Variants in DAB1 observed in about 807,000 individuals in gnomAD.
The protein encoded by DAB1 is DAB adaptor protein 1, also known as disabled homolog 1.
DAB1 carries 15 observed loss-of-function variants against 64.6 expected under a neutral mutation model. The observed-to-expected ratio is 0.23, with a 90% confidence interval of 0.16 to 0.36. DAB1 has a LOEUF of 0.36. Among genes scored for constraint, DAB1 ranks in the 10% least tolerant of loss-of-function variants. The probability of loss-of-function intolerance (pLI) is 1.00; values close to 1 mark genes in which losing one functional copy is unlikely to be tolerated. For missense variants in DAB1, 596 were observed against 706.7 expected (o/e 0.84, Z 1.78); for synonymous variants, 235 against 251.9 (o/e 0.93, Z 0.64).
At chr1:57,071,308 G>A in intron 6 of DAB1, 2 of 680,532 alleles carry the variant, frequency 2.9e-6, no homozygotes, top group Non-Finnish European at 4.8e-6. Context: ...ATCTTTCTCT[G>A]GATTCGAGAT....
At chr1:58,289,861 G>C (rs1390214173) in intron 4 of DAB1, among the ~76,000 whole-genome samples, 2 of 152,152 alleles carry the variant, frequency 1.3e-5, no homozygotes, top group African/African-American at 2.4e-5. Context: ...CTACCCAAAA[G>C]ATGGCCCACA....
At chr1:58,300,544 A>AAAAAG (rs1359971427) in intron 4 of DAB1, among the ~76,000 whole-genome samples, 29 of 101,174 alleles carry the variant, frequency 2.9e-4, no homozygotes, top group Non-Finnish European at 4.3e-4. Flanking sequence ...TGAAACTCTG[A>AAAAAG]AAAGAAAGAA....
intron 3 of DAB1, among the ~76,000 whole-genome samples, chr1:58,448,189 T>C (rs778589740): frequency 3.2e-4 from 49 of 152,280 alleles, no homozygotes; most frequent in Non-Finnish European, 4.3e-4. Flanking sequence ...TTTCAACACA[T>C]GCACATACTT....
At chr1:58,333,614 G>A (rs1663027629) in intron 4 of DAB1, among the ~76,000 whole-genome samples, 1 of 152,184 alleles carries the variant, frequency 6.6e-6, no homozygotes, top group South Asian at 2.1e-4. Flanking sequence ...CAGGATTCAA[G>A]AGAAAAAGAT....
At chr1:58,095,690 A>C (rs1650937016) in intron 5 of DAB1, among the ~76,000 whole-genome samples, 4 of 152,184 alleles carry the variant, frequency 2.6e-5, no homozygotes, top group Admixed American at 2.6e-4. Flanking sequence ...CCGGACATGC[A>C]TTGCTGTGGA....
intron 7 of DAB1, among the ~76,000 whole-genome samples, chr1:57,568,226 C>T (rs375658801): frequency 6.6e-6 from 1 of 152,080 alleles, no homozygotes; most frequent in Non-Finnish European, 1.5e-5. Context: ...TAGCCATATG[C>T]AGAAAGCTGA....
At chr1:57,657,532 A>G (rs1203405066) in intron 6 of DAB1, among the ~76,000 whole-genome samples, 1 of 152,190 alleles carries the variant, frequency 6.6e-6, no homozygotes, top group African/African-American at 2.4e-5. Flanking sequence ...TTTGACAAGA[A>G]CAGTCATGTT....
chr1:57,031,752 T>G (rs1392876211), intron 9 of DAB1, among the ~76,000 whole-genome samples: 4 of 152,258 alleles, frequency 2.6e-5, no homozygotes, highest in Non-Finnish European at 5.9e-5. Flanking sequence ...AGGTCTTCCA[T>G]GATGCACATC....
rs146095445 is a variant in DAB1, at chr1:58,475,393, C to A, written n.257+30667G>T. 7.0e-3 allele frequency among the ~76,000 whole-genome samples: 1,069 copies of A among 152,072 alleles called. 7 individuals are homozygous for A. The highest frequency in any genetic ancestry group is 0.018 in the African/African-American group (743 of 41,466). On this transcript the variant is annotated intron_variant and non_coding_transcript_variant, in intron 3 of 20. Transcript: ENST00000485760. ...GCCAGGCTGGTCTGAAACTCCTGACCTCAAGTGATCTACCTGCCTCAGCCT... is the reference window on the plus strand; with the variant it reads ...GCCAGGCTGGTCTGAAACTCCTGACATCAAGTGATCTACCTGCCTCAGCCT...
chr1:57,337,491 G>A (rs1677173468), intron 1 of DAB1, among the ~76,000 whole-genome samples: 1 of 152,102 alleles, frequency 6.6e-6, no homozygotes, highest in Non-Finnish European at 1.5e-5. Context: ...ACTGTCTTAG[G>A]GAAGCCTTCC....
intron 5 of DAB1, among the ~76,000 whole-genome samples, chr1:58,118,613 T>C (rs541807512): frequency 1.5e-5 from 2 of 135,632 alleles, no homozygotes; most frequent in African/African-American, 2.8e-5. Context: ...TATATACATA[T>C]ATATATATAA....
At chr1:58,329,101 A>G (rs954165700) in intron 4 of DAB1, among the ~76,000 whole-genome samples, 1 of 152,190 alleles carries the variant, frequency 6.6e-6, no homozygotes, top group African/African-American at 2.4e-5. Flanking sequence ...TTAGAAATAT[A>G]TTCTTTGTGT....
At chr1:57,346,422 A>C (rs546480704) in intron 1 of DAB1, among the ~76,000 whole-genome samples, 52 of 152,328 alleles carry the variant, frequency 3.4e-4, no homozygotes, top group African/African-American at 1.2e-3. Context: ...TCATTCATTA[A>C]ATAGTGATAT....
intron 1 of DAB1, among the ~76,000 whole-genome samples, chr1:57,387,772 A>C (rs537730099): frequency 1.3e-5 from 2 of 150,464 alleles, no homozygotes; most frequent in South Asian, 2.1e-4. Flanking sequence ...CAGTGAGCCA[A>C]GATCATGCCA....
intron 7 of DAB1, among the ~76,000 whole-genome samples, chr1:57,533,943 T>G (rs536522975): frequency 1.3e-3 from 198 of 152,278 alleles, no homozygotes; most frequent in African/African-American, 4.5e-3. Context: ...TTGTAAATAC[T>G]GAAGACACTA....
At chr1:57,803,405 G>A (rs538485366) in intron 6 of DAB1, among the ~76,000 whole-genome samples, 26 of 152,302 alleles carry the variant, frequency 1.7e-4, no homozygotes, top group Middle Eastern at 3.4e-3. Context: ...TTTCTCCTAC[G>A]TTCCTTTCCT....
intron 1 of DAB1, chr1:58,539,292 C>G (rs756939474): frequency 1.2e-6 from 1 of 824,378 alleles, no homozygotes; most frequent in Non-Finnish European, 2.1e-6. Flanking sequence ...AGATGAAGCT[C>G]ATTTTTTCAC....
intron 1 of DAB1, among the ~76,000 whole-genome samples, chr1:57,304,956 A>G (rs752286592): frequency 2.0e-5 from 3 of 152,198 alleles, no homozygotes; most frequent in Non-Finnish European, 4.4e-5. Flanking sequence ...AAAACAAGCT[A>G]TAAGCAGACT....
chr1:57,989,968 C>T (rs1303122264), intron 5 of DAB1, among the ~76,000 whole-genome samples: 1 of 152,150 alleles, frequency 6.6e-6, no homozygotes, highest in Non-Finnish European at 1.5e-5. Context: ...AGAGGTAAAT[C>T]AGGCACCATT....
Sources: gnomAD v4.1 joint callset for allele counts (sites outside exome capture counted in the v4.1 genomes callset) on GRCh38, gnomAD v4.1.1 for gene constraint, MANE v1.5 for transcripts, NCBI Gene and HGNC (gene_info 2026-07-23, HGNC 2026-07-21) for gene names.